Variants in REEP5 observed in about 807,000 individuals in gnomAD.
The protein encoded by REEP5 is receptor expression-enhancing protein 5.
REEP5 carries 24 observed loss-of-function variants against 22.4 expected under a neutral mutation model. That is an observed-to-expected ratio of 1.07 (90% confidence interval 0.78 to 1.51). The LOEUF (loss-of-function observed/expected upper bound fraction) is 1.51, where lower values mean the gene tolerates loss of function less well. REEP5 is among the 40% of genes most tolerant of loss of function. The probability of loss-of-function intolerance (pLI) is 0.00; values close to 1 mark genes in which losing one functional copy is unlikely to be tolerated. For synonymous variants in REEP5, 103 were observed against 88.6 expected, an observed-to-expected ratio of 1.16 and a Z score of -0.92; for missense variants, 252 against 233.0, an observed-to-expected ratio of 1.08 and a Z score of -0.53.
Position 112,902,622 on chromosome 5 carries a change from G to C in REEP5, c.213-104C>G, listed in dbSNP as rs567139558. ...TCCTCTGATACCACTGAGAAACTTAGGCACATGTAGGCACTGTGTCACTAG... is the reference window on the plus strand; with the variant it reads ...TCCTCTGATACCACTGAGAAACTTACGCACATGTAGGCACTGTGTCACTAG... On this transcript the variant is annotated intron_variant, in intron 2 of 4. Transcript: ENST00000379638. 1.3e-4 allele frequency: 119 copies of C among 949,916 alleles called. No homozygotes were observed. The African/African-American group carries it at 1.7e-3, about 14-fold the overall frequency. The allele number at this position is 949,916 out of a possible 1,614,324, so 58.8% of individuals were successfully genotyped here.
chr5:112,891,491 T>A (rs991463126), intron 3 of REEP5: 5 of 1,061,146 alleles, frequency 4.7e-6, no homozygotes, highest in Non-Finnish European at 6.7e-6. Flanking sequence ...TGAAAGTAAT[T>A]TGTAATATAT....
chr5:112,883,490 C>T (rs761325523), intron 4 of REEP5, among the ~76,000 whole-genome samples: 7 of 152,178 alleles, frequency 4.6e-5, no homozygotes, highest in Non-Finnish European at 8.8e-5. Context: ...TTGGCCACTC[C>T]TTATCAGTCT....
intron 2 of REEP5, among the ~76,000 whole-genome samples, chr5:112,914,440 G>A (rs142498274): frequency 0.022 from 3,379 of 151,972 alleles, 41 homozygotes; most frequent in Middle Eastern, 0.054. Context: ...GTTTTGCCAT[G>A]TTGTCCAGGC....
intron 3 of REEP5, among the ~76,000 whole-genome samples, chr5:112,898,780 T>C (rs916259482): frequency 7.2e-5 from 11 of 152,202 alleles, no homozygotes; most frequent in East Asian, 1.9e-4. Context: ...AAATTAAAGA[T>C]TGTAAGAATA....
At chr5:112,908,970 A>G (rs548549840) in intron 2 of REEP5, among the ~76,000 whole-genome samples, 1 of 151,766 alleles carries the variant, frequency 6.6e-6, no homozygotes, top group Non-Finnish European at 1.5e-5. Context: ...AGAGACACAC[A>G]AGGAGAAAAG....
At chr5:112,886,421 T>C (rs1458780669) in intron 4 of REEP5, among the ~76,000 whole-genome samples, 1 of 152,256 alleles carries the variant, frequency 6.6e-6, no homozygotes, top group African/African-American at 2.4e-5. Context: ...AATTCATGAA[T>C]GGCTCTTTAT....
At chr5:112,907,851 C>T (rs1027354029) in intron 2 of REEP5, among the ~76,000 whole-genome samples, 1 of 152,030 alleles carries the variant, frequency 6.6e-6, no homozygotes. Flanking sequence ...GTCCAAGATA[C>T]AGTGTTGAGT....
intron 2 of REEP5, among the ~76,000 whole-genome samples, chr5:112,920,481 A>T (rs540270423): frequency 8.5e-4 from 130 of 152,356 alleles, no homozygotes; most frequent in African/African-American, 3.1e-3. Flanking sequence ...AAATCGTAGA[A>T]TTAAAAAAAA....
At position 112,877,691 on chromosome 5, in the gene REEP5, A is replaced by C. The variant is rs1455294225; in HGVS notation, c.*1095T>G. ...TATGGGTTACTTTATACTTCCTTTC[A>C]TTCTCCCAGAATTGCTCTTAGAGCT... On this transcript the variant is annotated 3_prime_UTR_variant, in exon 5 of 5. Transcript: ENST00000379638. 1.3e-5 allele frequency: 2 copies of C among 152,128 alleles called. No individual in the cohort carries two copies. The highest frequency in any genetic ancestry group is 2.1e-4 in the South Asian group (1 of 4,826). The allele number at this position is 152,128 out of a possible 1,614,324, so 9.4% of individuals were successfully genotyped here.
At chr5:112,916,213 T>A (rs1769229341) in intron 2 of REEP5, among the ~76,000 whole-genome samples, 1 of 152,186 alleles carries the variant, frequency 6.6e-6, no homozygotes, top group Non-Finnish European at 1.5e-5. Context: ...TGCTTTTACT[T>A]GTGGTTAACT....
In REEP5 at chr5:112,877,967, AGT is replaced by A. The variant is rs1229527210; in HGVS notation, c.*817_*818del. ...ATTACTAGTTTTTCAGGGAATTGAG[AGT>A]TACAGGTTACTCTGTGTGTGTGTGT... is the stretch of plus-strand genomic sequence containing the variant. On this transcript the variant is annotated 3_prime_UTR_variant, in exon 5 of 5. Coordinates refer to ENST00000379638, the MANE Select transcript of REEP5 (RefSeq NM_005669.5). The A allele has an allele frequency of 6.7e-6, 1 of 149,286 alleles. No homozygotes were observed. The highest frequency in any genetic ancestry group is 1.5e-5 in the Non-Finnish European group (1 of 67,594). 9.2% of individuals were successfully genotyped at this position (149,286 alleles called of 1,614,324 possible).
intron 2 of REEP5, among the ~76,000 whole-genome samples, chr5:112,904,478 T>TG (rs1446681339): frequency 4.6e-5 from 7 of 152,238 alleles, no homozygotes; most frequent in Non-Finnish European, 8.8e-5. Context: ...CTTAGTTTTG[T>TG]GAACGCAATA....
chr5:112,905,900 G>C (rs1768947331), intron 2 of REEP5, among the ~76,000 whole-genome samples: 1 of 152,114 alleles, frequency 6.6e-6, no homozygotes, highest in African/African-American at 2.4e-5. Context: ...TAGGATTACA[G>C]GCATGAGCCA....
intron 3 of REEP5, among the ~76,000 whole-genome samples, chr5:112,899,232 C>T (rs1768785514): frequency 6.7e-6 from 1 of 149,988 alleles, no homozygotes. Flanking sequence ...GCATGCACCA[C>T]CATGCCTGGC....
At chr5:112,878,881 C>A in intron 4 of REEP5, 46 bp from the exon 5 acceptor site, 1 of 1,613,486 alleles carries the variant, frequency 6.2e-7, no homozygotes, top group Non-Finnish European at 8.5e-7. Context: ...AAAGCTCTTT[C>A]TTTGGAATGC....
chr5:112,899,950 T>A (rs1316874573), intron 3 of REEP5, among the ~76,000 whole-genome samples: 1 of 152,024 alleles, frequency 6.6e-6, no homozygotes, highest in Non-Finnish European at 1.5e-5. Context: ...AAGTTTGGGG[T>A]TTTAAAGCAT....
intron 3 of REEP5, among the ~76,000 whole-genome samples, chr5:112,890,938 T>C (rs1768420176): frequency 6.6e-6 from 1 of 150,792 alleles, no homozygotes; most frequent in Non-Finnish European, 1.5e-5. Flanking sequence ...TTACTAAGCA[T>C]AGCAAGGACT....
At chr5:112,892,673 G>A in intron 3 of REEP5, 1 of 1,614,064 alleles carries the variant, frequency 6.2e-7, no homozygotes, top group Non-Finnish European at 8.5e-7. Context: ...AATGAATTCT[G>A]GGAAGCTAAT....
intron 2 of REEP5, among the ~76,000 whole-genome samples, chr5:112,919,554 C>T (rs1396678895): frequency 2.0e-5 from 3 of 152,006 alleles, no homozygotes; most frequent in South Asian, 4.2e-4. Context: ...CAATATAGAG[C>T]GAGACTCTGT....
Sources: allele counts gnomAD v4.1 joint callset (sites outside exome capture counted in the v4.1 genomes callset), GRCh38; gene constraint gnomAD v4.1.1; transcripts MANE v1.5; gene names NCBI Gene and HGNC (gene_info 2026-07-23, HGNC 2026-07-21).